Variants in ANXA10 observed in about 807,000 individuals in gnomAD.
ANXA10 encodes annexin A10, also known as annexin 14.
In ANXA10, 49 loss-of-function variants were observed where a neutral mutation model predicts 53.5. That is an observed-to-expected ratio of 0.92 (90% CI 0.73 to 1.16). ANXA10 has a LOEUF of 1.16. Among genes scored for constraint, ANXA10 ranks in the 50% most tolerant of loss-of-function variants. The probability of loss-of-function intolerance (pLI) is 0.00; values close to 1 mark genes in which losing one functional copy is unlikely to be tolerated. For synonymous variants in ANXA10, 131 were observed against 128.9 expected (o/e 1.02, Z -0.11); for missense variants, 393 against 394.4 (o/e 1.00, Z 0.03).
At chr4:168,153,105 A>C (rs1578918806) in intron 3 of ANXA10, among the ~76,000 whole-genome samples, 1 of 152,232 alleles carries the variant, frequency 6.6e-6, no homozygotes, top group East Asian at 1.9e-4. Context: ...CAGCCTCCCA[A>C]AACACAGGCA....
chr4:168,134,179 T>C (rs1015319826), intron 2 of ANXA10, among the ~76,000 whole-genome samples: 1 of 152,092 alleles, frequency 6.6e-6, no homozygotes, highest in Non-Finnish European at 1.5e-5. Flanking sequence ...CAAATATAAG[T>C]AACTTTAGCA....
At chr4:168,135,386 G>T (rs954145331) in intron 2 of ANXA10, among the ~76,000 whole-genome samples, 1 of 152,210 alleles carries the variant, frequency 6.6e-6, no homozygotes, top group South Asian at 2.1e-4. Context: ...TTGTCAAACT[G>T]CAAGAGGCTG....
intron 1 of ANXA10, 150 bp from the exon 2 acceptor site, chr4:168,127,934 G>C: frequency 1.7e-6 from 1 of 587,392 alleles, no homozygotes. Context: ...ATGTTGGCCA[G>C]GTTGGTCTTC....
At chr4:168,174,594 C>A (rs1732081831) in intron 6 of ANXA10, among the ~76,000 whole-genome samples, 1 of 152,166 alleles carries the variant, frequency 6.6e-6, no homozygotes, top group Non-Finnish European at 1.5e-5. Flanking sequence ...CGAGCAAGGC[C>A]CAGGCAGGAG....
At chr4:168,133,662 A>G (rs1731190186) in intron 2 of ANXA10, among the ~76,000 whole-genome samples, 1 of 152,112 alleles carries the variant, frequency 6.6e-6, no homozygotes, top group African/African-American at 2.4e-5. Context: ...TGGCAAACAA[A>G]CATAATGCAA....
At chr4:168,179,076 G>A (rs1169759320) in intron 8 of ANXA10, 141 bp from the exon 9 acceptor site, 1 of 565,136 alleles carries the variant, frequency 1.8e-6, no homozygotes, top group Non-Finnish European at 3.1e-6. Flanking sequence ...TGTTTCAATG[G>A]TATTTATAGC....
intron 2 of ANXA10, among the ~76,000 whole-genome samples, chr4:168,138,389 T>C (rs554374980): frequency 6.6e-6 from 1 of 151,094 alleles, no homozygotes; most frequent in East Asian, 1.9e-4. Context: ...TTGTATGTCT[T>C]CTTTTGGAAA....
chr4:168,165,344 T>C lies in ANXA10; in HGVS notation c.480+18T>C, dbSNP rs777519144. ...TGGTCCAGGTATGGCATTCCAAAATTTACATTACTTTGCACTATCTAAGCA... is the reference window on the plus strand; with the variant it reads ...TGGTCCAGGTATGGCATTCCAAAATCTACATTACTTTGCACTATCTAAGCA... On this transcript the variant is annotated intron_variant, in intron 6 of 11. Coordinates refer to ENST00000359299, the MANE Select transcript of ANXA10 (RefSeq NM_007193.5). 2.1e-6 allele frequency: 3 copies of C among 1,461,116 alleles called. No homozygotes were observed. Among genetic ancestry groups the C allele is most frequent in the Non-Finnish European group, 2.8e-6 (3 of 1,069,366 alleles). 90.5% of individuals were successfully genotyped at this position (1,461,116 alleles called of 1,614,324 possible). A position where few individuals can be genotyped will look rare whatever the true frequency, so the allele number is the denominator to read the frequency against.
At chr4:168,112,832 C>A (rs535915531) in intron 1 of ANXA10, among the ~76,000 whole-genome samples, 1 of 152,092 alleles carries the variant, frequency 6.6e-6, no homozygotes, top group African/African-American at 2.4e-5. Flanking sequence ...ACCAGCCTGA[C>A]CAGCATGATG....
At chr4:168,182,446 TC>T (rs1336503296) in intron 10 of ANXA10, among the ~76,000 whole-genome samples, 1 of 142,428 alleles carries the variant, frequency 7.0e-6, no homozygotes, top group East Asian at 2.3e-4. Context: ...TTCTCCTGCC[TC>T]AGCCTCCCAA....
chr4:168,096,951 A>G (rs1038495279), intron 1 of ANXA10, among the ~76,000 whole-genome samples: 8 of 59,504 alleles, frequency 1.3e-4, no homozygotes, highest in African/African-American at 6.8e-4. Context: ...TATATACAAT[A>G]CATACATAAG....
chr4:168,157,882 G>T (rs533174367), intron 3 of ANXA10, among the ~76,000 whole-genome samples: 1 of 152,056 alleles, frequency 6.6e-6, no homozygotes, highest in East Asian at 1.9e-4. Flanking sequence ...TTTTCAATTT[G>T]GGATTATTAT....
At chr4:168,148,841 A>G (rs958302738) in intron 3 of ANXA10, among the ~76,000 whole-genome samples, 1 of 152,030 alleles carries the variant, frequency 6.6e-6, no homozygotes, top group Non-Finnish European at 1.5e-5. Context: ...AATTATTTCA[A>G]TCTTTCCCTG....
At chr4:168,177,435 A>G (rs750837075) in intron 6 of ANXA10, among the ~76,000 whole-genome samples, 61 of 152,336 alleles carry the variant, frequency 4.0e-4, no homozygotes, top group Non-Finnish European at 6.8e-4. Context: ...GGCAGTGGAT[A>G]CTCAGTTTGA....
At position 168,147,966 on chromosome 4, in the gene ANXA10, G is replaced by A. The variant is rs557306317; in HGVS notation, c.195+8386G>A. On this transcript the variant is annotated intron_variant, in intron 3 of 11. Transcript: ENST00000359299. The stretch of plus-strand genomic sequence containing the variant: ...AGTCAGCATGACACGTTGATATCCT[G>A]TACAGTGGCTGTGCACACCTCAATC... Among the ~76,000 whole-genome samples, 4 of 152,290 alleles carry A rather than the reference G, an allele frequency of 2.6e-5. No homozygotes were observed. The East Asian group carries it at 7.8e-4, about 30-fold the overall frequency.
At chr4:168,129,164 G>A (rs1320290704) in intron 2 of ANXA10, among the ~76,000 whole-genome samples, 2 of 152,136 alleles carry the variant, frequency 1.3e-5, no homozygotes, top group African/African-American at 2.4e-5. Flanking sequence ...GCTTGACTGT[G>A]TGTGTGTATG....
intron 3 of ANXA10, among the ~76,000 whole-genome samples, chr4:168,145,712 T>C (rs543213926): frequency 2.6e-5 from 4 of 152,330 alleles, no homozygotes; most frequent in Admixed American, 2.0e-4. Flanking sequence ...TCCTCCATCA[T>C]GGTCATTTTC....
chr4:168,096,818 G>A (rs903888595), intron 1 of ANXA10, among the ~76,000 whole-genome samples: 20 of 150,334 alleles, frequency 1.3e-4, no homozygotes, highest in African/African-American at 4.4e-4. Flanking sequence ...GCTTGAATCC[G>A]ACTCTGTCTA....
chr4:168,184,539 C>T lies in ANXA10; in HGVS notation c.784-20C>T. 6.2e-7 allele frequency: 1 copy of T among 1,612,706 alleles called. No homozygotes were observed. The highest frequency in any genetic ancestry group is 8.5e-7 in the Non-Finnish European group (1 of 1,179,238). On this transcript the variant is annotated intron_variant, in intron 10 of 11. Transcript: ENST00000359299. ...TAGGATGCTGTCTTCTCATTTCTCC[C>T]ACTTTTCTGTATCTTTTAGGACTTT...
Sources: allele counts gnomAD v4.1 joint callset (sites outside exome capture counted in the v4.1 genomes callset), GRCh38; gene constraint gnomAD v4.1.1; transcripts MANE v1.5; gene names NCBI Gene and HGNC (gene_info 2026-07-23, HGNC 2026-07-21).